The following CHRM5 variants were observed in gnomAD, a reference collection of about 807,000 sequenced individuals.
The protein encoded by CHRM5 is cholinergic receptor muscarinic 5.
CHRM5 carries 18 observed loss-of-function variants against 39.0 expected under a neutral mutation model. That is an observed-to-expected ratio of 0.46 (90% CI 0.32 to 0.68). CHRM5 has a LOEUF of 0.68. Ranked by LOEUF, CHRM5 falls within the 30% of genes least tolerant of loss-of-function variation. The pLI is 0.04. For synonymous variants in CHRM5, 241 were observed against 246.3 expected (o/e 0.98, Z 0.20); for missense variants, 515 against 651.1 (o/e 0.79, Z 2.28).
At position 34,002,940 on chromosome 15, in the gene CHRM5, G is replaced by T. The variant is rs1897193344; in HGVS notation, c.-408+33790G>T. 12 of 1,136,422 alleles carry T rather than the reference G, an allele frequency of 1.1e-5. No individual in the cohort carries two copies. In the South Asian group the frequency reaches 1.8e-4, roughly 17 times the overall value. 70.4% of individuals were successfully genotyped at this position (1,136,422 alleles called of 1,614,324 possible). On this transcript the variant is annotated intron_variant, in intron 1 of 2. Transcript: ENST00000383263. The stretch of plus-strand genomic sequence containing the variant: ...AAATCCAAAGAACAAAGGATAAATT[G>T]CTAGTTATAAAAGTAGAATTTAAAA...
intron 1 of CHRM5, among the ~76,000 whole-genome samples, chr15:34,030,029 G>A (rs1036728326): frequency 2.0e-5 from 3 of 152,078 alleles, no homozygotes; most frequent in Non-Finnish European, 2.9e-5. Flanking sequence ...CGAGGCAGGC[G>A]GATCACTTGA....
intron 1 of CHRM5, among the ~76,000 whole-genome samples, chr15:34,006,037 C>T (rs540664756): frequency 6.6e-6 from 1 of 152,304 alleles, no homozygotes; most frequent in East Asian, 1.9e-4. Flanking sequence ...CTTGGCCAGG[C>T]ACGGTGGCTC....
At chr15:34,017,425 C>T (rs574435666) in intron 1 of CHRM5, among the ~76,000 whole-genome samples, 2 of 151,900 alleles carry the variant, frequency 1.3e-5, no homozygotes, top group African/African-American at 2.4e-5. Flanking sequence ...CACATAACTA[C>T]CCATTCTCGT....
chr15:34,039,002 TG>T, intron 1 of CHRM5: 1 of 1,116,642 alleles, frequency 9.0e-7, no homozygotes. Flanking sequence ...GGCCGCGGCC[TG>T]GCCGCCGCCC....
chr15:34,038,968 CG>C, intron 1 of CHRM5: 1 of 1,110,286 alleles, frequency 9.0e-7, no homozygotes, highest in Non-Finnish European at 1.1e-6. Flanking sequence ...CCGGGCCGCT[CG>C]CTGTGGCGAT....
At chr15:34,008,223 C>A (rs1185450383) in intron 1 of CHRM5, among the ~76,000 whole-genome samples, 1 of 151,920 alleles carries the variant, frequency 6.6e-6, no homozygotes, top group Non-Finnish European at 1.5e-5. Context: ...GAGTTCAAGA[C>A]CAGCCTAGGC....
chr15:34,061,475 T>C (rs1900334495), intron 2 of CHRM5, among the ~76,000 whole-genome samples: 1 of 152,184 alleles, frequency 6.6e-6, no homozygotes, highest in African/African-American at 2.4e-5. Context: ...AAGGCACCCA[T>C]TTAAAATAAT....
At chr15:33,999,587 G>A (rs928085853) in intron 1 of CHRM5, among the ~76,000 whole-genome samples, 4 of 152,060 alleles carry the variant, frequency 2.6e-5, no homozygotes, top group Admixed American at 6.6e-5. Context: ...TCATCCTTAC[G>A]TATCTTTTTC....
Position 33,971,223 on chromosome 15 carries a change from T to C in CHRM5, c.-408+2073T>C, listed in dbSNP as rs541460729. Among the ~76,000 whole-genome samples, 95 of 152,198 alleles carry C rather than the reference T, an allele frequency of 6.2e-4. 1 individual carries two copies. Among genetic ancestry groups the C allele is most frequent in the Admixed American group, 1.1e-3 (17 of 15,280 alleles). On this transcript the variant is annotated intron_variant, in intron 1 of 2. Transcript: ENST00000383263. ...ACAATTAAAGAGATTCTGAACAGTC[T>C]TGGGATGTAGTCAATGACCTGCCTA...
intron 1 of CHRM5, chr15:34,018,286 TG>T (rs1296698035): frequency 6.6e-6 from 1 of 152,226 alleles, no homozygotes; most frequent in East Asian, 1.9e-4. Flanking sequence ...TATTCCTTCT[TG>T]TGGGTTCTCG....
chr15:34,052,502 T>A (rs927102766), intron 2 of CHRM5, among the ~76,000 whole-genome samples: 1 of 152,200 alleles, frequency 6.6e-6, no homozygotes, highest in Non-Finnish European at 1.5e-5. Flanking sequence ...GCCAGGGCAA[T>A]CAGGCAAGAG....
chr15:34,015,613 A>G (rs1177132639), intron 1 of CHRM5, among the ~76,000 whole-genome samples: 1 of 152,238 alleles, frequency 6.6e-6, no homozygotes, highest in Non-Finnish European at 1.5e-5. Flanking sequence ...TTAGGAGCTA[A>G]GAATAAAAAA....
intron 1 of CHRM5, among the ~76,000 whole-genome samples, chr15:34,026,340 T>G (rs1471421423): frequency 6.6e-6 from 1 of 152,218 alleles, no homozygotes; most frequent in Non-Finnish European, 1.5e-5. Flanking sequence ...GCAAAATAGA[T>G]GAAGCTTTTA....
intron 2 of CHRM5, among the ~76,000 whole-genome samples, chr15:34,059,419 A>G (rs941696710): frequency 1.3e-5 from 2 of 152,148 alleles, no homozygotes; most frequent in Non-Finnish European, 2.9e-5. Flanking sequence ...TCATTTTACT[A>G]CTTCTCTCCG....
At position 34,036,430 on chromosome 15, in the gene CHRM5, T is replaced by A. The variant is rs1337761080; in HGVS notation, c.-407-10110T>A. On this transcript the variant is annotated intron_variant, in intron 1 of 2. Transcript: ENST00000383263. ...TCTTTACATGGCTAGGAGTCTATTA[T>A]GATTTTTTTTTCCTTTGATCATTTC... Among the ~76,000 whole-genome samples, 4 of 152,336 alleles carry A rather than the reference T, an allele frequency of 2.6e-5. No homozygotes were observed. The East Asian group carries it at 7.7e-4, about 29-fold the overall frequency.
At chr15:33,993,654 A>AAC in intron 1 of CHRM5, among the ~76,000 whole-genome samples, 1 of 152,336 alleles carries the variant, frequency 6.6e-6, no homozygotes, top group East Asian at 1.9e-4. Context: ...ATAATTATTA[A>AAC]ACCAACATAA....
rs558807284 is a variant in CHRM5, at chr15:34,007,582, A to T, written c.-408+38432A>T. ...GTAGGCTGCTTCTATCATGCACCTT[A>T]AAATTCTTCCAGCTTTTACTCACTA... On this transcript the variant is annotated intron_variant, in intron 1 of 2. Transcript: ENST00000383263. Among the ~76,000 whole-genome samples, 369 of 152,316 alleles carry T rather than the reference A, an allele frequency of 2.4e-3. 3 individuals carry two copies. The highest frequency in any genetic ancestry group is 8.3e-3 in the African/African-American group (344 of 41,574).
In CHRM5 at chr15:34,062,823, G is replaced by C. The variant is rs1229190809; in HGVS notation, c.106G>C (p.Val36Leu). 6.2e-7 allele frequency: 1 copy of C among 1,614,244 alleles called. No homozygotes were observed. The highest frequency in any genetic ancestry group is 1.7e-5 in the Admixed American group (1 of 60,034). Reference protein sequence around the residue: ...RLWEVITIAAVTAVVSLITIV... With the variant: ...RLWEVITIAALTAVVSLITIV... Reference sequence around the variant, plus strand: ...GTGGGAAGTCATCACCATTGCAGCTGTGACTGCTGTGGTAAGCCTGATCAC... The same window carrying C: ...GTGGGAAGTCATCACCATTGCAGCTCTGACTGCTGTGGTAAGCCTGATCAC... Residue 36 changes from valine (V) to leucine (L), a missense_variant, in exon 3 of 3, where the codon GTG becomes CTG. By Grantham distance (32) the Val-to-Leu change is conservative. Coordinates refer to ENST00000383263, the MANE Select transcript of CHRM5 (RefSeq NM_012125.4).
chr15:34,050,170 G>A (rs1899884049), intron 2 of CHRM5, among the ~76,000 whole-genome samples: 1 of 152,020 alleles, frequency 6.6e-6, no homozygotes. Flanking sequence ...TTACAGGCGT[G>A]AGCCCCCATG....
Sources: allele counts gnomAD v4.1 joint callset (sites outside exome capture counted in the v4.1 genomes callset), GRCh38; gene constraint gnomAD v4.1.1; transcripts MANE v1.5; gene names NCBI Gene and HGNC (gene_info 2026-07-23, HGNC 2026-07-21).